The following ZC3H7A variants were observed in gnomAD, a reference collection of about 807,000 sequenced individuals.
The protein encoded by ZC3H7A is zinc finger CCCH-type containing 7A.
ZC3H7A carries 44 observed loss-of-function variants against 125.5 expected under a neutral mutation model. The ratio of observed to expected loss-of-function variants is 0.35; its 90% CI spans 0.28 to 0.45. ZC3H7A has a LOEUF of 0.45. Among genes scored for constraint, ZC3H7A ranks in the 20% least tolerant of loss-of-function variants. The pLI is 1.00. For synonymous variants in ZC3H7A, 399 were observed against 391.2 expected, an observed-to-expected ratio of 1.02 and a Z score of -0.23; for missense variants, 977 against 1,170.7, an observed-to-expected ratio of 0.83 and a Z score of 2.41.
intron 21 of ZC3H7A, among the ~76,000 whole-genome samples, chr16:11,754,654 G>A (rs2052608681): frequency 6.6e-6 from 1 of 152,168 alleles, no homozygotes; most frequent in Admixed American, 6.5e-5. Flanking sequence ...CACTTTGGGA[G>A]GCTGAGGCGG....
intron 4 of ZC3H7A, 26 bp from the exon 5 acceptor site, chr16:11,776,935 G>A (rs1249239131): frequency 1.3e-6 from 2 of 1,528,654 alleles, no homozygotes; most frequent in Non-Finnish European, 1.8e-6. Context: ...AAAGAATAAA[G>A]TCAGCAATCA....
In ZC3H7A at chr16:11,750,792, A is replaced by G. The variant is rs1358312727; in HGVS notation, c.*525T>C. 1 of 152,702 alleles carries G rather than the reference A, an allele frequency of 6.5e-6. No individual in the cohort carries two copies. Among genetic ancestry groups the G allele is most frequent in the African/African-American group, 2.4e-5 (1 of 41,456 alleles). The allele number at this position is 152,702 out of a possible 1,614,324, so 9.5% of individuals were successfully genotyped here. A position where few individuals can be genotyped will look rare whatever the true frequency, so the allele number is the denominator to read the frequency against. On this transcript the variant is annotated 3_prime_UTR_variant, in exon 23 of 23. Coordinates refer to ENST00000355758, the MANE Select transcript of ZC3H7A (RefSeq NM_014153.4). ...ATTATAGTGAAACATACAAATACAG[A>G]AAAATACCCCATTTAACAAATACTA...
In ZC3H7A at chr16:11,762,713, T is replaced by C; in HGVS notation, c.2037A>G (p.Lys679=). The change falls in exon 17 of 23, where the codon AAA becomes AAG. Residue 679 remains lysine (K), a synonymous_variant. Coordinates refer to ENST00000355758, the MANE Select transcript of ZC3H7A (RefSeq NM_014153.4). ...TTGCTTCCAAATTCTGCCAATATCG[T>C]TTAGACTCTTGAGCAATAGCATCAT... ...ISHDAIAQES[K]RYWQNLEANV... is the part of the protein sequence containing the mutation. 1 of 1,613,912 alleles carries C rather than the reference T, an allele frequency of 6.2e-7. No individual in the cohort carries two copies. The highest frequency in any genetic ancestry group is 1.1e-5 in the South Asian group (1 of 91,078).
At chr16:11,795,581 G>T (rs1039152357) in intron 1 of ZC3H7A, among the ~76,000 whole-genome samples, 1 of 151,444 alleles carries the variant, frequency 6.6e-6, no homozygotes, top group Non-Finnish European at 1.5e-5. Flanking sequence ...GATTACAGGC[G>T]CCTGCCACCA....
rs1041709053 is a variant in ZC3H7A, at chr16:11,762,534, C to A, written c.2079+137G>T. On this transcript the variant is annotated intron_variant, in intron 17 of 22. Transcript: ENST00000355758. The stretch of plus-strand genomic sequence containing the variant: ...AACTAAAATGCAAATTGTTTTTTCA[C>A]ATAAGAATGACTCACCTGAATGAAT... The A allele has an allele frequency of 1.1e-5, 9 of 801,524 alleles. No individual in the cohort carries two copies. The Middle Eastern group carries it at 6.9e-4, about 62-fold the overall frequency. 49.7% of individuals were successfully genotyped at this position (801,524 alleles called of 1,614,324 possible). A position where few individuals can be genotyped will look rare whatever the true frequency, so the allele number is the denominator to read the frequency against.
intron 16 of ZC3H7A, chr16:11,762,973 A>T: frequency 2.2e-6 from 1 of 461,216 alleles, no homozygotes; most frequent in Non-Finnish European, 3.9e-6. Context: ...TGCATGTATC[A>T]ACTTGTATCA....
At chr16:11,797,018 T>C (rs1236807483) in intron 1 of ZC3H7A, 106 bp downstream of exon 1, 2 of 142,102 alleles carry the variant, frequency 1.4e-5, no homozygotes, top group African/African-American at 5.4e-5. Flanking sequence ...CCGCCCGCCG[T>C]CCGTTAACGG....
In ZC3H7A at chr16:11,758,531, G is replaced by A. The variant is rs776258597; in HGVS notation, c.2328C>T (p.Asn776=). ...KQMPLQFDLC[N]HIASGKKCQY... is the part of the protein sequence containing the mutation. ...GACATTTTTTCCCAGAAGCAATATG[G>A]TTGCACAGCTGTATAAAAAAATAGG... The change falls in exon 20 of 23, where the codon AAC becomes AAT. Residue 776 remains asparagine, a synonymous_variant. Coordinates refer to ENST00000355758, the MANE Select transcript of ZC3H7A (RefSeq NM_014153.4). The A allele has an allele frequency of 6.2e-7, 1 of 1,611,068 alleles. No individual in the cohort carries two copies. Among genetic ancestry groups the A allele is most frequent in the Non-Finnish European group, 8.5e-7 (1 of 1,177,618 alleles).
chr16:11,777,023 C>T (rs2053091872), intron 4 of ZC3H7A, 114 bp from the exon 5 acceptor site: 1 of 758,538 alleles, frequency 1.3e-6, no homozygotes, highest in Admixed American at 3.7e-5. Flanking sequence ...TCCCTCTAAA[C>T]TCCAAGTTAG....
intron 1 of ZC3H7A, among the ~76,000 whole-genome samples, chr16:11,786,272 A>G (rs570531636): frequency 2.0e-4 from 30 of 152,320 alleles, no homozygotes; most frequent in African/African-American, 6.5e-4. Context: ...AACCCAGAGT[A>G]GTATGCAGGA....
intron 1 of ZC3H7A, 64 bp from the exon 2 acceptor site, chr16:11,782,452 C>A: frequency 7.5e-7 from 1 of 1,330,970 alleles, no homozygotes; most frequent in Non-Finnish European, 1.1e-6. Flanking sequence ...AATGAAAACA[C>A]CCACAAATCC....
In ZC3H7A at chr16:11,762,062, T is replaced by C; in HGVS notation, c.2080-19A>G. On this transcript the variant is annotated intron_variant, in intron 17 of 22. Coordinates refer to ENST00000355758, the MANE Select transcript of ZC3H7A (RefSeq NM_014153.4). ...CAAGTACCTTAAACAATTAAAAGAT[T>C]CGTTTTAATTTTTTTAACAGAAAAC... 1 of 1,558,418 alleles carries C rather than the reference T, an allele frequency of 6.4e-7. No homozygotes were observed. The highest frequency in any genetic ancestry group is 8.7e-7 in the Non-Finnish European group (1 of 1,155,452).
intron 21 of ZC3H7A, among the ~76,000 whole-genome samples, chr16:11,753,436 A>G (rs969848750): frequency 6.6e-6 from 1 of 152,186 alleles, no homozygotes. Flanking sequence ...GTATAAATGA[A>G]GACTTTTTAT....
At chr16:11,793,393 G>T (rs1437687496) in intron 1 of ZC3H7A, among the ~76,000 whole-genome samples, 5 of 151,954 alleles carry the variant, frequency 3.3e-5, no homozygotes, top group Non-Finnish European at 7.4e-5. Context: ...AATTAAATGG[G>T]CATGGTGGTG....
intron 13 of ZC3H7A, among the ~76,000 whole-genome samples, chr16:11,766,840 G>A (rs769097352): frequency 7.2e-5 from 11 of 152,094 alleles, no homozygotes; most frequent in Non-Finnish European, 1.3e-4. Flanking sequence ...CCGAGATTGC[G>A]CCACTACACT....
At chr16:11,761,804 T>G in intron 18 of ZC3H7A, 106 bp downstream of exon 18, 1 of 1,455,620 alleles carries the variant, frequency 6.9e-7, no homozygotes, top group Non-Finnish European at 9.3e-7. Flanking sequence ...TTATCTATTT[T>G]TCTCTCCTCT....
intron 1 of ZC3H7A, among the ~76,000 whole-genome samples, chr16:11,787,774 C>T (rs149586848): frequency 2.6e-5 from 4 of 152,072 alleles, no homozygotes; most frequent in Non-Finnish European, 4.4e-5. Flanking sequence ...GGTGAAACCC[C>T]GTCTCTACTA....
Position 11,765,153 on chromosome 16 carries a change from T to C in ZC3H7A, c.1720A>G (p.Lys574Glu). The C allele has an allele frequency of 6.6e-7, 1 of 1,512,076 alleles. No homozygotes were observed. Among genetic ancestry groups the C allele is most frequent in the Non-Finnish European group, 9.0e-7 (1 of 1,117,070 alleles). The allele number at this position is 1,512,076 out of a possible 1,614,324, so 93.7% of individuals were successfully genotyped here. Residue 574 changes from lysine to glutamate, a missense_variant and splice_region_variant, in exon 15 of 23, where the codon AAA (lysine) becomes GAA (glutamate). Around this residue, in one of 3 missense-constraint regions of ZC3H7A, gnomAD observed 436 missense variants for 603.2 expected, o/e 0.72. Coordinates refer to ENST00000355758, the MANE Select transcript of ZC3H7A (RefSeq NM_014153.4). This position sits in a 1 kb window ranked among gnomAD's most constrained non-coding sequence, Gnocchi z 4.8. ...HLGEFIFLCE[K>E]CFDHKPRMIS... The stretch of plus-strand genomic sequence containing the variant: ...ATTCTAGGCTTATGATCAAAACATT[T>C]CTGGAATAGAGAGAGAAAGATTATC...
chr16:11,789,766 C>A (rs2053319478), intron 1 of ZC3H7A, among the ~76,000 whole-genome samples: 1 of 152,076 alleles, frequency 6.6e-6, no homozygotes, highest in Admixed American at 6.6e-5. Flanking sequence ...TCATACACAT[C>A]TAAGTATCCC....
Sources: allele counts gnomAD v4.1 joint callset (sites outside exome capture counted in the v4.1 genomes callset), GRCh38; gene constraint gnomAD v4.1.1; regional missense constraint gnomAD v4.1.1; non-coding constraint Gnocchi (gnomAD v3.1); transcripts MANE v1.5; gene names NCBI Gene and HGNC (gene_info 2026-07-23, HGNC 2026-07-21).